The following DOCK1 variants were observed in gnomAD, a reference collection of about 807,000 sequenced individuals.
DOCK1 encodes dedicator of cytokinesis 1.
In DOCK1, 138 loss-of-function variants were observed where a neutral mutation model predicts 262.7. That is an observed-to-expected ratio of 0.53 (90% CI 0.46 to 0.61). DOCK1 has a LOEUF of 0.61. Among genes scored for constraint, DOCK1 ranks in the 20% least tolerant of loss-of-function variants. The pLI is 0.00. For missense variants in DOCK1, 1,908 were observed against 2,370.7 expected, an observed-to-expected ratio of 0.80 and a Z score of 4.05; for synonymous variants, 866 against 867.4, an observed-to-expected ratio of 1.00 and a Z score of 0.03.
chr10:127,162,123 C>G (rs978570737), intron 27 of DOCK1, among the ~76,000 whole-genome samples: 1 of 152,184 alleles, frequency 6.6e-6, no homozygotes, highest in South Asian at 2.1e-4. Flanking sequence ...CCAGCTCTTT[C>G]GCCTGCAGAT....
At chr10:127,226,258 A>G (rs920174228) in intron 27 of DOCK1, among the ~76,000 whole-genome samples, 11 of 152,164 alleles carry the variant, frequency 7.2e-5, no homozygotes, top group African/African-American at 2.7e-4. Context: ...TTGAAGGCAG[A>G]TAAAATTGAT....
At chr10:127,045,825 C>A (rs1158858777) in intron 21 of DOCK1, among the ~76,000 whole-genome samples, 3 of 152,204 alleles carry the variant, frequency 2.0e-5, no homozygotes, top group Non-Finnish European at 1.5e-5. Flanking sequence ...CCCTATGGAG[C>A]TGCTGCAGGC....
intron 1 of DOCK1, among the ~76,000 whole-genome samples, chr10:126,948,574 C>T (rs1055981755): frequency 6.6e-6 from 1 of 151,838 alleles, no homozygotes; most frequent in Non-Finnish European, 1.5e-5. Flanking sequence ...GGGATAGGCA[C>T]CCTGAAACAG....
chr10:127,090,042 C>T (rs1344081688), intron 23 of DOCK1, among the ~76,000 whole-genome samples: 1 of 152,116 alleles, frequency 6.6e-6, no homozygotes, highest in African/African-American at 2.4e-5. Context: ...GCAGCAGGAG[C>T]TTGTTTAAGG....
chr10:127,309,878 C>CTT (rs1213688949), intron 29 of DOCK1, among the ~76,000 whole-genome samples: 2,516 of 141,396 alleles, frequency 0.018, 88 homozygotes, highest in African/African-American at 0.062. Flanking sequence ...ATACCATGTT[C>CTT]TTTTTTTTTT....
intron 19 of DOCK1, among the ~76,000 whole-genome samples, chr10:127,041,537 T>G (rs150464835): frequency 1.1e-3 from 169 of 152,372 alleles, no homozygotes; most frequent in African/African-American, 3.8e-3. Flanking sequence ...TACAAGTTAT[T>G]TTGTGAACAT....
At chr10:127,008,209 C>T (rs2135262652) in intron 10 of DOCK1, among the ~76,000 whole-genome samples, 1 of 152,200 alleles carries the variant, frequency 6.6e-6, no homozygotes, top group African/African-American at 2.4e-5. Context: ...GCAAGTCTCC[C>T]ATCTCAGCTT....
intron 1 of DOCK1, among the ~76,000 whole-genome samples, chr10:126,953,907 T>C (rs1423992099): frequency 6.6e-6 from 1 of 151,792 alleles, no homozygotes; most frequent in Non-Finnish European, 1.5e-5. Flanking sequence ...AAACAGAAAA[T>C]GTGGAGAGAT....
Position 127,447,434 on chromosome 10 carries a change from T to A in DOCK1, c.5454T>A (p.Asp1818Glu), listed in dbSNP as rs1384819860. The change falls in exon 51 of 52, where the codon GAT (aspartate) becomes GAA (glutamate). Residue 1818 changes from aspartate to glutamate, a missense_variant. Asp to Glu is a conservative substitution (Grantham distance 45). Transcript: ENST00000623213. ...LNGMTGADVA[D>E]VPPPLPLKGS... is the part of the protein sequence containing the mutation. ...GCATGACGGGGGCGGACGTGGCCGA[T>A]GTCCCACCCCCTCTGCCTCTCAAAG... 5 of 1,613,344 alleles carry A rather than the reference T, an allele frequency of 3.1e-6. No homozygotes were observed. The African/African-American group carries it at 6.7e-5, about 22-fold the overall frequency.
intron 27 of DOCK1, among the ~76,000 whole-genome samples, chr10:127,130,207 C>G (rs2050238759): frequency 6.6e-6 from 1 of 151,650 alleles, no homozygotes; most frequent in Non-Finnish European, 1.5e-5. Context: ...CCTCGGACTC[C>G]CGAGAAGCTG....
At chr10:127,002,107 T>C (rs976843047) in intron 10 of DOCK1, among the ~76,000 whole-genome samples, 4 of 152,254 alleles carry the variant, frequency 2.6e-5, no homozygotes, top group African/African-American at 9.6e-5. Context: ...TCTAGTGTTA[T>C]ATTTAAAATG....
chr10:126,925,465 A>T (rs1001460267), intron 1 of DOCK1, among the ~76,000 whole-genome samples: 1 of 152,016 alleles, frequency 6.6e-6, no homozygotes, highest in African/African-American at 2.4e-5. Flanking sequence ...CTCACTGCAA[A>T]CTCTGCCTCT....
chr10:127,005,190 A>C (rs2040921294), intron 10 of DOCK1, among the ~76,000 whole-genome samples: 1 of 151,986 alleles, frequency 6.6e-6, no homozygotes, highest in Non-Finnish European at 1.5e-5. Flanking sequence ...AAACTAAAAA[A>C]CAAAAATTAG....
Position 127,389,881 on chromosome 10 carries a change from G to A in DOCK1, c.3927+4972G>A, listed in dbSNP as rs1340932853. Among the ~76,000 whole-genome samples the A allele has an allele frequency of 2.6e-5, 4 of 152,176 alleles. No individual in the cohort carries two copies. The East Asian group carries it at 7.7e-4, about 29-fold the overall frequency. On this transcript the variant is annotated intron_variant, in intron 38 of 51. Coordinates refer to ENST00000623213, the MANE Select transcript of DOCK1 (RefSeq NM_001290223.2). The stretch of plus-strand genomic sequence containing the variant: ...ATACAAAAATTAGCCCATCGTGGTG[G>A]CAGGCACCTGTAATCCCAGCTACTT...
chr10:127,388,731 T>G (rs2066283874), intron 38 of DOCK1, among the ~76,000 whole-genome samples: 1 of 152,188 alleles, frequency 6.6e-6, no homozygotes, highest in South Asian at 2.1e-4. Flanking sequence ...CTGGGGCTTC[T>G]GCCCCAAAAT....
intron 27 of DOCK1, among the ~76,000 whole-genome samples, chr10:127,234,734 A>G (rs2058983163): frequency 6.6e-6 from 1 of 152,046 alleles, no homozygotes; most frequent in African/African-American, 2.4e-5. Flanking sequence ...TAGGCCTTGC[A>G]ATACTGAATA....
At chr10:127,361,106 CTTTTTTTTT>C (rs1175942298) in intron 32 of DOCK1, among the ~76,000 whole-genome samples, 1 of 87,432 alleles carries the variant, frequency 1.1e-5, no homozygotes, top group African/African-American at 4.8e-5. Context: ...TAAAGTAGTT[CTTTTTTTTT>C]TTTTTTTTTT....
intron 27 of DOCK1, among the ~76,000 whole-genome samples, chr10:127,128,716 G>T (rs191127164): frequency 1.3e-5 from 2 of 152,050 alleles, no homozygotes; most frequent in African/African-American, 4.8e-5. Flanking sequence ...CAAAGGACAT[G>T]AACTCATTCT....
In DOCK1 at chr10:127,024,707, G is replaced by A. The variant is rs2042703546; in HGVS notation, c.1475G>A (p.Gly492Asp). The A allele has an allele frequency of 6.2e-7, 1 of 1,612,094 alleles. No homozygotes were observed. Among genetic ancestry groups the A allele is most frequent in the Non-Finnish European group, 8.5e-7 (1 of 1,179,244 alleles). Reference sequence around the variant, plus strand: ...AAGCATGTGATTTTCCCGGGTGCTGGTGATGAAGCGATTTCAGAGTACAAA... The same window carrying A: ...AAGCATGTGATTTTCCCGGGTGCTGATGATGAAGCGATTTCAGAGTACAAA... ...RLEHVIFPGAGDEAISEYKSV... is the reference protein window; with the variant it reads ...RLEHVIFPGADDEAISEYKSV... The change falls in exon 15 of 52, where the codon GGT (glycine) becomes GAT (aspartate). Residue 492 changes from glycine (G) to aspartate (D), a missense_variant. This residue lies in a region of DOCK1 where 294 missense variants were observed against 439.9 expected (regional missense o/e 0.67). Transcript: ENST00000623213.
Sources: gnomAD v4.1 joint callset for allele counts (sites outside exome capture counted in the v4.1 genomes callset) on GRCh38, gnomAD v4.1.1 for gene constraint, gnomAD v4.1.1 regional missense constraint, MANE v1.5 for transcripts, NCBI Gene and HGNC (gene_info 2026-07-23, HGNC 2026-07-21) for gene names.